The following LATS1 variants were observed in gnomAD, a reference collection of about 807,000 sequenced individuals.
LATS1 encodes the protein serine/threonine-protein kinase LATS1.
A neutral mutation model predicts 106.6 loss-of-function variants in LATS1; 25 were observed. The observed-to-expected ratio is 0.23, with a 90% confidence interval of 0.17 to 0.33. The LOEUF (loss-of-function observed/expected upper bound fraction) is 0.33. LATS1 is among the 10% of genes least tolerant of loss of function. The probability of loss-of-function intolerance (pLI) is 1.00; values close to 1 mark genes in which losing one functional copy is unlikely to be tolerated. For synonymous variants in LATS1, 465 were observed against 455.6 expected (o/e 1.02, Z -0.26); for missense variants, 1,040 against 1,382.6 (o/e 0.75, Z 3.93).
intron 7 of LATS1, among the ~76,000 whole-genome samples, chr6:149,673,696 T>G (rs548317228): frequency 6.6e-6 from 1 of 150,584 alleles, no homozygotes; most frequent in East Asian, 1.9e-4. Context: ...TTTTTTGAGA[T>G]AGAGTCTCAC....
chr6:149,690,356 G>A (rs1252810153), intron 3 of LATS1, among the ~76,000 whole-genome samples: 2 of 150,822 alleles, frequency 1.3e-5, no homozygotes, highest in African/African-American at 2.4e-5. Flanking sequence ...TGGGATTACA[G>A]GCATGCACCA....
At chr6:149,687,245 C>A (rs1782441732) in intron 3 of LATS1, among the ~76,000 whole-genome samples, 1 of 151,998 alleles carries the variant, frequency 6.6e-6, no homozygotes, top group South Asian at 2.1e-4. Flanking sequence ...CAGGTGCCAC[C>A]ACACCCAGCT....
chr6:149,712,891 A>G (rs748092504), intron 1 of LATS1, among the ~76,000 whole-genome samples: 1 of 152,074 alleles, frequency 6.6e-6, no homozygotes, highest in Non-Finnish European at 1.5e-5. Context: ...GCTACTGGAG[A>G]GACTGAGGTG....
chr6:149,713,389 G>T (rs1175306780), intron 1 of LATS1, among the ~76,000 whole-genome samples: 1 of 151,812 alleles, frequency 6.6e-6, no homozygotes, highest in Non-Finnish European at 1.5e-5. Flanking sequence ...CTGCCTCCCG[G>T]GTTCAAGCAA....
intron 1 of LATS1, among the ~76,000 whole-genome samples, chr6:149,712,522 T>C (rs1246886249): frequency 1.3e-5 from 2 of 151,858 alleles, no homozygotes; most frequent in Non-Finnish European, 2.9e-5. Flanking sequence ...TTCTCTCTTT[T>C]CTTTTTGAAT....
intron 2 of LATS1, 103 bp downstream of exon 2, chr6:149,701,676 G>A (rs1783468658): frequency 3.9e-6 from 3 of 769,702 alleles, no homozygotes; most frequent in Non-Finnish European, 6.4e-6. Context: ...TGTATACAGG[G>A]TTAAATTCTC....
intron 7 of LATS1, among the ~76,000 whole-genome samples, chr6:149,666,298 T>C (rs1051763704): frequency 6.6e-6 from 1 of 152,024 alleles, no homozygotes; most frequent in African/African-American, 2.4e-5. Flanking sequence ...ACATAGATGC[T>C]AGAATTTTCT....
chr6:149,702,824 A>T (rs1431556535), intron 1 of LATS1, among the ~76,000 whole-genome samples: 3 of 152,088 alleles, frequency 2.0e-5, no homozygotes, highest in African/African-American at 7.2e-5. Context: ...GGCACCCGCC[A>T]CCACGCCCAG....
chr6:149,661,725 T>A lies in LATS1; in HGVS notation c.*4A>T, dbSNP rs757597781. Reference sequence around the variant, plus strand: ...AATCCTCATTACATTTATTTACTAGTGTGTTAAACATATACTAGATCGCGA... The same window carrying A: ...AATCCTCATTACATTTATTTACTAGAGTGTTAAACATATACTAGATCGCGA... On this transcript the variant is annotated 3_prime_UTR_variant, in exon 8 of 8. Transcript: ENST00000543571. 121 of 1,529,478 alleles carry A rather than the reference T, an allele frequency of 7.9e-5. No individual in the cohort carries two copies. The highest frequency in any genetic ancestry group is 1.0e-4 in the Non-Finnish European group (118 of 1,141,746). The allele number at this position is 1,529,478 out of a possible 1,614,324, so 94.7% of individuals were successfully genotyped here. A position where few individuals can be genotyped will look rare whatever the true frequency, so the allele number is the denominator to read the frequency against.
chr6:149,662,966 C>CAAAAAAA, intron 7 of LATS1, among the ~76,000 whole-genome samples: 1 of 96,248 alleles, frequency 1.0e-5, no homozygotes, highest in Non-Finnish European at 2.2e-5. Context: ...ACACTGTCTC[C>CAAAAAAA]AAAAAAAAAA....
intron 2 of LATS1, chr6:149,697,235 G>A: frequency 1.1e-6 from 1 of 884,334 alleles, no homozygotes. Flanking sequence ...AAGAAAGGAT[G>A]TGGTAAGAAC....
rs768008359 is a variant in LATS1 at position 149,684,399 on chromosome 6, G to A, written c.690C>T (p.Asn230=). Residue 230 remains asparagine, a synonymous_variant, in exon 4 of 8, where the codon AAC becomes AAT. Transcript: ENST00000543571. The stretch of plus-strand genomic sequence containing the variant: ...GTGGTGGGGGGTTCACTCTCTGTCC[G>A]TTGCTAGGGTGAGCTTGAACAAATG... The part of the protein sequence containing the change: ...ISAFVQAHPS[N]GQRVNPPPPP... The A allele has an allele frequency of 3.9e-5, 63 of 1,613,954 alleles. No homozygotes were observed. Among genetic ancestry groups the A allele is most frequent in the Admixed American group, 6.7e-5 (4 of 59,994 alleles).
intron 1 of LATS1, among the ~76,000 whole-genome samples, chr6:149,710,379 T>A (rs1323864387): frequency 1.3e-5 from 2 of 152,086 alleles, no homozygotes; most frequent in Non-Finnish European, 2.9e-5. Flanking sequence ...TTTCTCTGAG[T>A]CGTCCCGAAT....
chr6:149,678,728 G>A (rs1324808954), intron 5 of LATS1, among the ~76,000 whole-genome samples: 1 of 152,132 alleles, frequency 6.6e-6, no homozygotes, highest in East Asian at 1.9e-4. Context: ...GTGTGGTGTA[G>A]TAGAAATAAC....
chr6:149,662,115 C>T lies in LATS1; in HGVS notation c.3007G>A (p.Glu1003Lys), dbSNP rs1250818724. ...TTAAAAAATGGATGAGCTTTTATTT[C>T]ATCAGCACCATTCTTGCCTAAGCGA... ...EDRLGKNGAD[E>K]IKAHPFFKTI... Residue 1003 changes from glutamate to lysine, a missense_variant, in exon 8 of 8, where the codon GAA becomes AAA. Around this residue, in one of 7 missense-constraint regions of LATS1, gnomAD observed 113 missense variants for 146.3 expected, o/e 0.77. Transcript: ENST00000543571. 3 of 1,614,136 alleles carry T rather than the reference C, an allele frequency of 1.9e-6. No homozygotes were observed. Among genetic ancestry groups the T allele is most frequent in the Non-Finnish European group, 2.5e-6 (3 of 1,180,012 alleles).
intron 4 of LATS1, among the ~76,000 whole-genome samples, chr6:149,682,415 CTTTT>C (rs869175355): frequency 1.2e-4 from 17 of 138,326 alleles, no homozygotes; most frequent in East Asian, 6.3e-4. Flanking sequence ...TTTCTTTTTT[CTTTT>C]TTTTTTTTTT....
intron 7 of LATS1, among the ~76,000 whole-genome samples, chr6:149,663,713 A>G (rs138406720): frequency 0.013 from 1,904 of 150,298 alleles, 24 homozygotes; most frequent in Middle Eastern, 0.021. Flanking sequence ...CCCTTTTTGG[A>G]AAAAAAAAAT....
intron 2 of LATS1, among the ~76,000 whole-genome samples, chr6:149,698,344 G>A (rs909840980): frequency 1.3e-5 from 2 of 150,802 alleles, no homozygotes; most frequent in Admixed American, 6.6e-5. Context: ...CTGGGTTTGA[G>A]TGATCCTCCC....
chr6:149,700,588 A>C (rs936713040), intron 2 of LATS1, among the ~76,000 whole-genome samples: 49 of 152,148 alleles, frequency 3.2e-4, no homozygotes, highest in African/African-American at 1.1e-3. Context: ...AAATACAGAT[A>C]TATATGGAAA....
Sources: gnomAD v4.1 joint callset for allele counts (sites outside exome capture counted in the v4.1 genomes callset) on GRCh38, gnomAD v4.1.1 for gene constraint, gnomAD v4.1.1 regional missense constraint, MANE v1.5 for transcripts, NCBI Gene and HGNC (gene_info 2026-07-23, HGNC 2026-07-21) for gene names.